The following CLCN5 variants were observed in gnomAD, a reference collection of about 807,000 sequenced individuals.
CLCN5 encodes the protein Cl-/H+ antiporter 5.
CLCN5 carries 17 observed loss-of-function variants against 54.0 expected under a neutral mutation model. That is an observed-to-expected ratio of 0.31 (90% CI 0.22 to 0.47). The LOEUF is 0.47. CLCN5 is among the 20% of genes least tolerant of loss of function. The pLI, the probability that CLCN5 is intolerant of heterozygous loss-of-function variation, is 1.00. For missense variants in CLCN5, 448 were observed against 646.7 expected, an observed-to-expected ratio of 0.69 and a Z score of 3.33; for synonymous variants, 222 against 233.0, an observed-to-expected ratio of 0.95 and a Z score of 0.43.
At chrX:50,021,237 A>G (rs1193950431) in intron 3 of CLCN5, among the ~76,000 whole-genome samples, 1 of 98,098 alleles carries the variant, frequency 1.0e-5, no homozygotes, top group East Asian at 3.0e-4. Flanking sequence ...CTTTGAAGCA[A>G]TTGTGAATGG....
chrX:50,001,750 C>G (rs1448497602), intron 3 of CLCN5, among the ~76,000 whole-genome samples: 12 of 108,949 alleles, frequency 1.1e-4, no homozygotes, highest in African/African-American at 4.0e-4. Context: ...TTCCTTACAC[C>G]TTATACAAAA....
At chrX:50,071,712 A>G (rs1933229298) in intron 5 of CLCN5, among the ~76,000 whole-genome samples, 1 of 112,251 alleles carries the variant, frequency 8.9e-6, no homozygotes, top group African/African-American at 3.2e-5. Context: ...AACTATTTAA[A>G]AAAATGCTTT....
intron 7 of CLCN5, among the ~76,000 whole-genome samples, chrX:50,077,617 AGAGAGTGTGTGTGTGT>A (rs1210169381): frequency 1.1e-5 from 1 of 91,401 alleles, no homozygotes; most frequent in Non-Finnish European, 2.1e-5. Flanking sequence ...AGAGAGAGAG[AGAGAGTGTGTGTGTGT>A]GTGTGTGTGT....
chrX:50,004,967 A>C (rs1269491209), intron 3 of CLCN5, among the ~76,000 whole-genome samples: 1 of 111,915 alleles, frequency 8.9e-6, no homozygotes, highest in African/African-American at 3.2e-5. Context: ...TGTTGTTCCC[A>C]TTTCCACTTG....
intron 9 of CLCN5, 34 bp downstream of exon 9, chrX:50,081,881 G>A (rs781796660): frequency 1.8e-6 from 2 of 1,122,669 alleles, no homozygotes; most frequent in South Asian, 3.8e-5. Context: ...TCTCTTTTTG[G>A]TTGTGAGCAT....
chrX:49,947,973 T>C (rs1347217194), intron 3 of CLCN5, among the ~76,000 whole-genome samples: 3 of 111,094 alleles, frequency 2.7e-5, no homozygotes, highest in Middle Eastern at 4.2e-3. Flanking sequence ...TTTTTGAAAC[T>C]TCCCTCCCTT....
At chrX:50,027,190 A>G (rs1481286406) in intron 3 of CLCN5, among the ~76,000 whole-genome samples, 3 of 108,821 alleles carry the variant, frequency 2.8e-5, no homozygotes, top group African/African-American at 1.0e-4. Flanking sequence ...AATTTTTTGT[A>G]TCTTTAGGAG....
At chrX:50,021,099 T>C (rs1366719917) in intron 3 of CLCN5, among the ~76,000 whole-genome samples, 1 of 79,033 alleles carries the variant, frequency 1.3e-5, no homozygotes, top group Admixed American at 1.3e-4. Context: ...TATTGATTCT[T>C]CCTACCCATG....
At chrX:50,082,195 A>G (rs1363028210) in intron 9 of CLCN5, among the ~76,000 whole-genome samples, 3 of 111,912 alleles carry the variant, frequency 2.7e-5, no homozygotes, top group Non-Finnish European at 3.8e-5. Flanking sequence ...ATGAAACACC[A>G]TTTGATTTTA....
intron 3 of CLCN5, among the ~76,000 whole-genome samples, chrX:49,957,446 T>C (rs1217997452): frequency 8.9e-6 from 1 of 112,479 alleles, no homozygotes; most frequent in Admixed American, 9.4e-5. Flanking sequence ...CATCCACTTA[T>C]TTTTTCACTA....
intron 3 of CLCN5, among the ~76,000 whole-genome samples, chrX:49,999,525 C>T (rs143426797): frequency 0.012 from 1,319 of 109,329 alleles, 15 homozygotes; most frequent in African/African-American, 0.041. Context: ...ATGTACACCA[C>T]GAGGGAGATG....
intron 4 of CLCN5, among the ~76,000 whole-genome samples, chrX:50,067,282 A>T (rs1033050618): frequency 3.0e-4 from 33 of 111,350 alleles, no homozygotes; most frequent in African/African-American, 1.0e-3. Flanking sequence ...TGTATTTTTT[A>T]AAAAACCTTT....
At position 50,090,524 on chromosome X, in the gene CLCN5, T is replaced by A; in HGVS notation, c.2143+10T>A. 8.3e-7 allele frequency: 1 copy of A among 1,200,774 alleles called. No individual in the cohort carries two copies. The highest frequency in any genetic ancestry group is 1.1e-6 in the Non-Finnish European group (1 of 888,994). On this transcript the variant is annotated intron_variant, in intron 13 of 14. Transcript: ENST00000376091. Reference sequence around the variant, plus strand: ...CTCATTATTTCAATTGGTAAGGATTTCAGAAAGGGGATAGTGGAATCCACT... The same window carrying A: ...CTCATTATTTCAATTGGTAAGGATTACAGAAAGGGGATAGTGGAATCCACT...
Position 50,097,312 on chromosome X carries a change from TC to T in CLCN5, c.*5095del, listed in dbSNP as rs1557195802. The T allele has an allele frequency of 8.9e-6, 1 of 112,297 alleles. No individual in the cohort carries two copies. The highest frequency in any genetic ancestry group is 1.9e-5 in the Non-Finnish European group (1 of 53,257). The allele number at this position is 112,297 out of a possible 1,213,427, so 9.3% of individuals were successfully genotyped here. On this transcript the variant is annotated 3_prime_UTR_variant, in exon 15 of 15. Coordinates refer to ENST00000376091, the MANE Select transcript of CLCN5 (RefSeq NM_001127898.4). ...AGATGTAGGGAACAAAATTGGTTTT[TC>T]CATGGTGTAGTCTAATTTTGCCAAA...
intron 4 of CLCN5, among the ~76,000 whole-genome samples, chrX:50,063,617 C>T (rs1271551598): frequency 9.3e-6 from 1 of 107,616 alleles, no homozygotes; most frequent in African/African-American, 3.5e-5. Context: ...TGAAACTATT[C>T]CAATCAATAG....
chrX:50,060,842 C>G (rs1557189854), intron 4 of CLCN5, among the ~76,000 whole-genome samples: 1 of 95,154 alleles, frequency 1.1e-5, no homozygotes, highest in Non-Finnish European at 2.0e-5. Flanking sequence ...CAAGTGGGTC[C>G]CTGACCCCTG....
intron 9 of CLCN5, among the ~76,000 whole-genome samples, chrX:50,084,542 C>T (rs1557193641): frequency 1.8e-5 from 2 of 110,477 alleles, no homozygotes; most frequent in African/African-American, 6.6e-5. Context: ...CCATTATACC[C>T]AGCTGATTTT....
At chrX:50,082,200 A>C (rs1433810913) in intron 9 of CLCN5, among the ~76,000 whole-genome samples, 1 of 111,970 alleles carries the variant, frequency 8.9e-6, no homozygotes, top group Non-Finnish European at 1.9e-5. Context: ...ACACCATTTG[A>C]TTTTAAAAGC....
intron 3 of CLCN5, among the ~76,000 whole-genome samples, chrX:49,971,896 A>G (rs1277779158): frequency 1.8e-5 from 2 of 111,970 alleles, no homozygotes; most frequent in Non-Finnish European, 3.8e-5. Flanking sequence ...TTGTTGCTTT[A>G]CGAGGGAGAG....
Sources: allele counts gnomAD v4.1 joint callset (sites outside exome capture counted in the v4.1 genomes callset), GRCh38; gene constraint gnomAD v4.1.1; transcripts MANE v1.5; gene names NCBI Gene and HGNC (gene_info 2026-07-23, HGNC 2026-07-21).